Variants in PPP1R16B observed in about 807,000 individuals in gnomAD.
The protein encoded by PPP1R16B is protein phosphatase 1 regulatory subunit 16B, also known as protein phosphatase 1 regulatory inhibitor subunit 16B.
Under a neutral mutation model 61.7 loss-of-function variants are expected in PPP1R16B, and 14 were observed. That is an observed-to-expected ratio of 0.23 (90% CI 0.15 to 0.35). PPP1R16B has a LOEUF of 0.35. Among genes scored for constraint, PPP1R16B ranks in the 10% least tolerant of loss-of-function variants. PPP1R16B has a pLI of 1.00. For missense variants in PPP1R16B, 547 were observed against 752.5 expected, an observed-to-expected ratio of 0.73 and a Z score of 3.19; for synonymous variants, 266 against 305.3, an observed-to-expected ratio of 0.87 and a Z score of 1.34.
intron 1 of PPP1R16B, among the ~76,000 whole-genome samples, chr20:38,823,318 C>G (rs1474366763): frequency 6.6e-6 from 1 of 152,200 alleles, no homozygotes; most frequent in Non-Finnish European, 1.5e-5. Context: ...TGTTGTGAAT[C>G]TGGTTTGGGA....
intron 2 of PPP1R16B, among the ~76,000 whole-genome samples, chr20:38,846,597 T>C (rs2084936999): frequency 6.6e-6 from 1 of 152,238 alleles, no homozygotes; most frequent in Non-Finnish European, 1.5e-5. Flanking sequence ...ACCTCATATA[T>C]CCTATCATGG....
intron 2 of PPP1R16B, among the ~76,000 whole-genome samples, chr20:38,867,830 G>A (rs796329855): frequency 2.7e-4 from 41 of 152,130 alleles, no homozygotes; most frequent in South Asian, 2.1e-3. Flanking sequence ...CCGCCACCAC[G>A]CCCAGCTAAT....
intron 2 of PPP1R16B, among the ~76,000 whole-genome samples, chr20:38,879,995 G>A (rs535029816): frequency 3.3e-4 from 50 of 151,702 alleles, no homozygotes; most frequent in African/African-American, 1.2e-3. Flanking sequence ...TCCAAAGGAA[G>A]AAGCATAGAG....
chr20:38,884,563 T>C (rs2085228637), intron 2 of PPP1R16B, among the ~76,000 whole-genome samples: 1 of 152,224 alleles, frequency 6.6e-6, no homozygotes, highest in East Asian at 1.9e-4. Context: ...AGAAACAGGC[T>C]GCCTGCCAGA....
At chr20:38,917,400 C>G (rs2085551143) in intron 10 of PPP1R16B, among the ~76,000 whole-genome samples, 1 of 151,710 alleles carries the variant, frequency 6.6e-6, no homozygotes, top group South Asian at 2.1e-4. Context: ...CTTCATGTGT[C>G]TTTTGACCTT....
At chr20:38,895,955 CCTTTCTTCTTTCTTCCCTCCCTCCCT>C (rs2085337818) in intron 4 of PPP1R16B, among the ~76,000 whole-genome samples, 1 of 101,276 alleles carries the variant, frequency 9.9e-6, no homozygotes, top group African/African-American at 4.4e-5. Context: ...CTCCCTCCCT[CCTTTCTTCTTTCTTCCCTCCCTCCCT>C]CCTTCCTTCT....
chr20:38,834,547 C>G (rs1216175543), intron 1 of PPP1R16B, among the ~76,000 whole-genome samples: 3 of 152,058 alleles, frequency 2.0e-5, no homozygotes, highest in Non-Finnish European at 4.4e-5. Context: ...TAAAGGTCAT[C>G]CAAAGAGAGA....
At chr20:38,874,773 T>G (rs754283439) in intron 2 of PPP1R16B, among the ~76,000 whole-genome samples, 14 of 152,162 alleles carry the variant, frequency 9.2e-5, no homozygotes, top group Admixed American at 2.0e-4. Context: ...ATTCTCATGG[T>G]GGAGCAAGCA....
In PPP1R16B at chr20:38,855,925, T is replaced by TAC. The variant is rs1224035897; in HGVS notation, c.250+19751_250+19752insCA. On this transcript the variant is annotated intron_variant, in intron 2 of 10. Transcript: ENST00000299824. The stretch of plus-strand genomic sequence containing the variant: ...TTTCCTACATATATATATATATATA[T>TAC]ATATATATATATATATATAGAGAGA... 1.1e-4 allele frequency among the ~76,000 whole-genome samples: 6 copies of TAC among 53,412 alleles called. 1 individual carries two copies. Among genetic ancestry groups the TAC allele is most frequent in the Admixed American group, 9.4e-4 (4 of 4,262 alleles). The allele number at this position is 53,412 out of a possible 152,430, so 35.0% of individuals were successfully genotyped here. A position where few individuals can be genotyped will look rare whatever the true frequency, so the allele number is the denominator to read the frequency against.
At chr20:38,899,761 G>A (rs2085376872) in intron 4 of PPP1R16B, among the ~76,000 whole-genome samples, 1 of 152,028 alleles carries the variant, frequency 6.6e-6, no homozygotes, top group Non-Finnish European at 1.5e-5. Context: ...TATCCAAGCT[G>A]TGTGACCTTG....
Position 38,907,111 on chromosome 20 carries a change from G to C in PPP1R16B, c.898+57G>C, listed in dbSNP as rs749538660. On this transcript the variant is annotated intron_variant, in intron 8 of 10. Coordinates refer to ENST00000299824, the MANE Select transcript of PPP1R16B (RefSeq NM_015568.4). The surrounding 1 kb of genome is among the most constrained non-coding windows in gnomAD (Gnocchi z 4.5). ...ATAGGCAGTTATCAATGTTTTGATGGGTAGAGGGAGAAATAGATAAATATA... is the reference window on the plus strand; with the variant it reads ...ATAGGCAGTTATCAATGTTTTGATGCGTAGAGGGAGAAATAGATAAATATA... 5.2e-6 allele frequency: 7 copies of C among 1,346,702 alleles called. No homozygotes were observed. The highest frequency in any genetic ancestry group is 2.3e-5 in the East Asian group (1 of 43,498). 83.4% of individuals were successfully genotyped at this position (1,346,702 alleles called of 1,614,324 possible).
chr20:38,889,067 A>T (rs1169815746), intron 2 of PPP1R16B, among the ~76,000 whole-genome samples: 1 of 152,088 alleles, frequency 6.6e-6, no homozygotes, highest in East Asian at 1.9e-4. Flanking sequence ...CAGTTTTAGT[A>T]AAAATCATCA....
intron 3 of PPP1R16B, among the ~76,000 whole-genome samples, chr20:38,895,351 A>G (rs1157198223): frequency 6.6e-6 from 1 of 152,126 alleles, no homozygotes; most frequent in Non-Finnish European, 1.5e-5. Flanking sequence ...TATTAACTTC[A>G]TTTTTACTCA....
chr20:38,880,589 A>T (rs1009717689), intron 2 of PPP1R16B, among the ~76,000 whole-genome samples: 3 of 152,160 alleles, frequency 2.0e-5, no homozygotes, highest in Non-Finnish European at 4.4e-5. Flanking sequence ...GGATTGCTTG[A>T]GCCCTGGAGG....
At chr20:38,888,924 CA>C (rs1568675497) in intron 2 of PPP1R16B, among the ~76,000 whole-genome samples, 118 of 149,552 alleles carry the variant, frequency 7.9e-4, no homozygotes, top group African/African-American at 2.3e-3. Context: ...CACACACACA[CA>C]CACCCCTAGA....
intron 10 of PPP1R16B, among the ~76,000 whole-genome samples, chr20:38,908,788 T>C (rs1432409113): frequency 6.6e-6 from 1 of 152,162 alleles, no homozygotes; most frequent in Non-Finnish European, 1.5e-5. Flanking sequence ...AAATTTATTC[T>C]CTCTCAGTTC....
At chr20:38,807,209 T>C (rs921012840) in intron 1 of PPP1R16B, among the ~76,000 whole-genome samples, 5 of 152,088 alleles carry the variant, frequency 3.3e-5, no homozygotes, top group Non-Finnish European at 1.5e-5. Context: ...AAACCGTCCA[T>C]CTAGGAGGCC....
intron 1 of PPP1R16B, among the ~76,000 whole-genome samples, chr20:38,831,722 C>T (rs749515429): frequency 3.9e-5 from 6 of 152,142 alleles, no homozygotes; most frequent in Non-Finnish European, 7.4e-5. Context: ...GCAGACCCCC[C>T]GATGTTGGAT....
At chr20:38,879,070 T>C (rs2085187653) in intron 2 of PPP1R16B, among the ~76,000 whole-genome samples, 1 of 152,172 alleles carries the variant, frequency 6.6e-6, no homozygotes, top group Admixed American at 6.5e-5. Flanking sequence ...TCCCTAGGTC[T>C]GCAGTGAAGC....
Sources: gnomAD v4.1 joint callset for allele counts (sites outside exome capture counted in the v4.1 genomes callset) on GRCh38, gnomAD v4.1.1 for gene constraint, Gnocchi (gnomAD v3.1) non-coding constraint, MANE v1.5 for transcripts, NCBI Gene and HGNC (gene_info 2026-07-23, HGNC 2026-07-21) for gene names.